The following SEZ6L variants were observed in gnomAD, a reference collection of about 807,000 sequenced individuals.
SEZ6L encodes the protein seizure related 6 homolog like, also known as seizure 6-like protein.
Under a neutral mutation model 106.2 loss-of-function variants are expected in SEZ6L, and 37 were observed. That is an observed-to-expected ratio of 0.35 (90% CI 0.27 to 0.46). SEZ6L has a LOEUF of 0.46. Among genes scored for constraint, SEZ6L ranks in the 20% least tolerant of loss-of-function variants. The pLI, the probability that SEZ6L is intolerant of heterozygous loss-of-function variation, is 1.00. For missense variants in SEZ6L, 1,172 were observed against 1,332.8 expected (o/e 0.88, Z 1.88); for synonymous variants, 541 against 570.4 (o/e 0.95, Z 0.73).
chr22:26,311,006 T>C (rs1318523418), intron 7 of SEZ6L, among the ~76,000 whole-genome samples, 170 bp downstream of exon 7: 1 of 152,204 alleles, frequency 6.6e-6, no homozygotes, highest in Non-Finnish European at 1.5e-5. Context: ...ATAATAACAA[T>C]GCCTATCATT....
At chr22:26,374,816 G>A (rs189349731) in intron 14 of SEZ6L, among the ~76,000 whole-genome samples, 4 of 152,296 alleles carry the variant, frequency 2.6e-5, no homozygotes, top group South Asian at 2.1e-4. Flanking sequence ...TGCCCCAGGC[G>A]CCTGCAGCAG....
chr22:26,350,267 GC>G (rs1328559013), intron 11 of SEZ6L, among the ~76,000 whole-genome samples: 1 of 150,572 alleles, frequency 6.6e-6, no homozygotes, highest in African/African-American at 2.4e-5. Flanking sequence ...TCACTCTGTT[GC>G]CCAGGCTGGA....
intron 1 of SEZ6L, among the ~76,000 whole-genome samples, chr22:26,180,193 A>G (rs537167107): frequency 6.6e-6 from 1 of 152,326 alleles, no homozygotes; most frequent in East Asian, 1.9e-4. Context: ...ATGGTGTCTC[A>G]CACACTTTCA....
intron 1 of SEZ6L, among the ~76,000 whole-genome samples, chr22:26,184,485 G>A (rs1460122860): frequency 6.6e-6 from 1 of 152,194 alleles, no homozygotes; most frequent in African/African-American, 2.4e-5. Context: ...GGGAAATTCA[G>A]AATCTGATTC....
intron 12 of SEZ6L, among the ~76,000 whole-genome samples, chr22:26,361,200 A>T (rs1337781899): frequency 6.6e-6 from 1 of 152,172 alleles, no homozygotes; most frequent in Non-Finnish European, 1.5e-5. Flanking sequence ...AGAAATTTTT[A>T]AAAATATATT....
chr22:26,349,906 A>C (rs1333305610), intron 11 of SEZ6L, among the ~76,000 whole-genome samples: 1 of 151,730 alleles, frequency 6.6e-6, no homozygotes, highest in Non-Finnish European at 1.5e-5. Context: ...TTTTCCTTTT[A>C]TCTATATTGA....
chr22:26,296,049 T>C lies in SEZ6L; in HGVS notation c.970-839T>C, dbSNP rs117287742. 2.6e-3 allele frequency among the ~76,000 whole-genome samples: 390 copies of C among 152,226 alleles called. 9 individuals are homozygous for C. In the East Asian group the frequency reaches 0.06, roughly 23 times the overall value. ...CTGTTTAGAGGAGAGGCAGAGAAAC[T>C]AAAGTTCCAAGCCCTACTCATAAAA... On this transcript the variant is annotated intron_variant, in intron 3 of 16. Coordinates refer to ENST00000248933, the MANE Select transcript of SEZ6L (RefSeq NM_021115.5).
At chr22:26,252,729 T>C (rs768621146) in intron 1 of SEZ6L, among the ~76,000 whole-genome samples, 7 of 152,270 alleles carry the variant, frequency 4.6e-5, no homozygotes, top group Non-Finnish European at 8.8e-5. Flanking sequence ...GTTGCATCCA[T>C]GTTCCTGCTA....
At chr22:26,367,550 G>T (rs2083862313) in intron 13 of SEZ6L, among the ~76,000 whole-genome samples, 1 of 152,126 alleles carries the variant, frequency 6.6e-6, no homozygotes, top group Non-Finnish European at 1.5e-5. Context: ...TCGCTATGTT[G>T]CCCAGGCTGG....
chr22:26,337,703 G>C (rs975274849), intron 9 of SEZ6L, among the ~76,000 whole-genome samples: 34 of 152,280 alleles, frequency 2.2e-4, no homozygotes, highest in Admixed American at 1.7e-3. Context: ...AACTGTCAGG[G>C]GGGTAGGAGG....
intron 1 of SEZ6L, among the ~76,000 whole-genome samples, chr22:26,288,359 A>C (rs1327395853): frequency 6.6e-6 from 1 of 152,266 alleles, no homozygotes; most frequent in Admixed American, 6.5e-5. Flanking sequence ...CCACCCCTGG[A>C]GATTCAGATG....
chr22:26,258,103 T>A (rs961203331), intron 1 of SEZ6L, among the ~76,000 whole-genome samples: 19 of 152,068 alleles, frequency 1.2e-4, no homozygotes, highest in African/African-American at 4.3e-4. Flanking sequence ...TTTGTGAGCA[T>A]CCGCTCTGCC....
intron 1 of SEZ6L, among the ~76,000 whole-genome samples, chr22:26,226,593 T>C (rs888822459): frequency 6.6e-6 from 1 of 152,172 alleles, no homozygotes; most frequent in Non-Finnish European, 1.5e-5. Flanking sequence ...GTGTGTGTGA[T>C]TATTCAGTGG....
intron 9 of SEZ6L, among the ~76,000 whole-genome samples, chr22:26,338,569 A>T (rs5761482): frequency 0.73 from 109,789 of 150,642 alleles, 41,078 homozygotes; most frequent in African/African-American, 0.91. Context: ...AAAAAAAAAA[A>T]TTTTTTTTGA....
chr22:26,281,426 G>A (rs2080764609), intron 1 of SEZ6L, among the ~76,000 whole-genome samples: 1 of 147,702 alleles, frequency 6.8e-6, no homozygotes, highest in South Asian at 2.1e-4. Context: ...CCAGGCTGGA[G>A]TGCAGTGGCG....
chr22:26,345,053 G>A (rs9625013), intron 10 of SEZ6L, among the ~76,000 whole-genome samples: 3 of 152,128 alleles, frequency 2.0e-5, no homozygotes, highest in Non-Finnish European at 4.4e-5. Flanking sequence ...TCCTGAGTCA[G>A]GGTTTCTGGG....
chr22:26,219,253 A>AGTGTT (rs775579667), intron 1 of SEZ6L, among the ~76,000 whole-genome samples: 1 of 34,504 alleles, frequency 2.9e-5, no homozygotes, highest in Non-Finnish European at 9.5e-5. Flanking sequence ...GAGAAATACA[A>AGTGTT]GTTTTTTTTT....
At chr22:26,214,660 T>C (rs889031656) in intron 1 of SEZ6L, among the ~76,000 whole-genome samples, 2 of 152,098 alleles carry the variant, frequency 1.3e-5, no homozygotes, top group African/African-American at 4.8e-5. Flanking sequence ...CAACACCTTG[T>C]TTTTTTCAGA....
rs777582857 is a variant in SEZ6L, at chr22:26,327,181, C to T, written c.2016-13255C>T. Among the ~76,000 whole-genome samples the T allele has an allele frequency of 4.8e-4, 73 of 152,000 alleles. 1 individual carries two copies. Among genetic ancestry groups the T allele is most frequent in the Admixed American group, 2.1e-3 (32 of 15,270 alleles). On this transcript the variant is annotated intron_variant, in intron 9 of 16. Transcript: ENST00000248933. ...GCCCCGGCCCACCGCCCTCTGCACACGTGCGTGTCTGTGTGTGTGTGGCAG... is the reference window on the plus strand; with the variant it reads ...GCCCCGGCCCACCGCCCTCTGCACATGTGCGTGTCTGTGTGTGTGTGGCAG...
Sources: gnomAD v4.1 joint callset for allele counts (sites outside exome capture counted in the v4.1 genomes callset) on GRCh38, gnomAD v4.1.1 for gene constraint, MANE v1.5 for transcripts, NCBI Gene and HGNC (gene_info 2026-07-23, HGNC 2026-07-21) for gene names.